Variants in SPAG1 observed in about 807,000 individuals in gnomAD.
SPAG1 encodes the protein sperm-associated antigen 1.
Under a neutral mutation model 100.5 loss-of-function variants are expected in SPAG1, and 69 were observed. The observed-to-expected ratio is 0.69, with a 90% CI of 0.57 to 0.84. The LOEUF is 0.84. Among genes scored for constraint, SPAG1 ranks in the 40% least tolerant of loss-of-function variants. The probability of loss-of-function intolerance (pLI) is 0.00; values close to 1 mark genes in which losing one functional copy is unlikely to be tolerated. For missense variants in SPAG1, 955 were observed against 1,133.1 expected (o/e 0.84, Z 2.26); for synonymous variants, 336 against 411.6 (o/e 0.82, Z 2.22).
At chr8:100,190,520 T>TG (rs11368420) in intron 8 of SPAG1, among the ~76,000 whole-genome samples, 25,448 of 152,068 alleles carry the variant, frequency 0.17, 2,433 homozygotes, top group South Asian at 0.23. Flanking sequence ...GCTTAATTTC[T>TG]GACCTAACTG....
chr8:100,163,358 T>A (rs148119672), intron 2 of SPAG1, among the ~76,000 whole-genome samples: 107 of 152,236 alleles, frequency 7.0e-4, no homozygotes, highest in Middle Eastern at 3.4e-3. Flanking sequence ...CTGTCCTGAG[T>A]ACCACCAACC....
chr8:100,241,175 G>A lies in SPAG1; in HGVS notation c.*153G>A. ...TTACTTATTTTCCTACATAGAACAT[G>A]TATATTCTACAATCTGCTTTTTATT... On this transcript the variant is annotated 3_prime_UTR_variant, in exon 19 of 19. Transcript: ENST00000388798. The surrounding 1 kb of genome is among the most constrained non-coding windows in gnomAD (Gnocchi z 5.1). 1.8e-6 allele frequency: 1 copy of A among 551,710 alleles called. No individual in the cohort carries two copies. The highest frequency in any genetic ancestry group is 3.0e-6 in the Non-Finnish European group (1 of 334,436). The allele number at this position is 551,710 out of a possible 1,614,324, so 34.2% of individuals were successfully genotyped here. A position where few individuals can be genotyped will look rare whatever the true frequency, so the allele number is the denominator to read the frequency against.
chr8:100,195,417 A>G (rs1283558821), intron 10 of SPAG1, among the ~76,000 whole-genome samples: 2 of 152,202 alleles, frequency 1.3e-5, no homozygotes, highest in Non-Finnish European at 2.9e-5. Flanking sequence ...AATGCAATGT[A>G]TACACTTCAG....
At chr8:100,173,033 CTTTTTTTTTTTTT>C (rs149257955) in intron 3 of SPAG1, among the ~76,000 whole-genome samples, 5 of 63,660 alleles carry the variant, frequency 7.9e-5, no homozygotes, top group Admixed American at 2.2e-4. Context: ...TTGACCACTT[CTTTTTTTTTTTTT>C]TTTTTTTTTT....
intron 2 of SPAG1, 66 bp downstream of exon 2, chr8:100,162,486 A>AG: frequency 9.6e-6 from 12 of 1,244,492 alleles, no homozygotes; most frequent in Non-Finnish European, 1.2e-5. Context: ...GTTACCTTCT[A>AG]AAGGTAAAAG....
intron 3 of SPAG1, among the ~76,000 whole-genome samples, chr8:100,168,004 G>C (rs2132206486): frequency 6.6e-6 from 1 of 152,306 alleles, no homozygotes; most frequent in Admixed American, 6.5e-5. Flanking sequence ...GCTCCTCTGA[G>C]TTGCTAAGTA....
At chr8:100,228,176 A>T (rs1345834431) in intron 14 of SPAG1, among the ~76,000 whole-genome samples, 1 of 152,182 alleles carries the variant, frequency 6.6e-6, no homozygotes, top group Non-Finnish European at 1.5e-5. Context: ...ATGGGCAGAA[A>T]TATTCTGTGA....
intron 3 of SPAG1, among the ~76,000 whole-genome samples, chr8:100,175,818 GTGTTC>G (rs1397471317): frequency 6.6e-6 from 1 of 152,170 alleles, no homozygotes; most frequent in Admixed American, 6.5e-5. Context: ...TACAGAAAAA[GTGTTC>G]TTGAACCAAT....
At chr8:100,209,402 T>A (rs939025671) in intron 10 of SPAG1, among the ~76,000 whole-genome samples, 5 of 148,014 alleles carry the variant, frequency 3.4e-5, no homozygotes, top group South Asian at 2.1e-4. Flanking sequence ...CTGACTAATA[T>A]ATCATTAGAG....
chr8:100,182,654 C>G (rs1232361570), intron 4 of SPAG1, among the ~76,000 whole-genome samples: 1 of 152,076 alleles, frequency 6.6e-6, no homozygotes, highest in African/African-American at 2.4e-5. Flanking sequence ...TGTAATTATT[C>G]CAAATCAGAT....
intron 12 of SPAG1, among the ~76,000 whole-genome samples, chr8:100,214,538 C>G (rs999815276): frequency 5.9e-5 from 9 of 152,184 alleles, no homozygotes; most frequent in Non-Finnish European, 1.2e-4. Flanking sequence ...CACTGACACT[C>G]GGTCACACCT....
At position 100,169,465 on chromosome 8, in the gene SPAG1, C is replaced by G. The variant is rs376060810; in HGVS notation, c.300+3492C>G. On this transcript the variant is annotated intron_variant, in intron 3 of 18. Transcript: ENST00000388798. ...TTTTTAAAAAATCAACTGGGCTGAG[C>G]ACAGTGGCTCACGCCTATAATCCAG... 3.3e-5 allele frequency among the ~76,000 whole-genome samples: 5 copies of G among 152,212 alleles called. No individual in the cohort carries two copies. The East Asian group carries it at 9.6e-4, about 29-fold the overall frequency.
Position 100,213,134 on chromosome 8 carries a change from G to A in SPAG1, c.1141G>A (p.Val381Ile). 6.7e-7 allele frequency: 1 copy of A among 1,485,596 alleles called. No homozygotes were observed. Among genetic ancestry groups the A allele is most frequent in the Non-Finnish European group, 8.9e-7 (1 of 1,125,074 alleles). The allele number at this position is 1,485,596 out of a possible 1,614,324, so 92.0% of individuals were successfully genotyped here. Residue 381 changes from valine to isoleucine, a missense_variant, in exon 11 of 19, where the codon GTC (valine) becomes ATC (isoleucine). Coordinates refer to ENST00000388798, the MANE Select transcript of SPAG1 (RefSeq NM_003114.5). ...AGCCGCGCGCGCCGCCCAGCCGTGC[G>A]TCATGGGCAACATCCAGAAGAAGCT... ...AGAARAAQPC[V>I]MGNIQKKLTG...
intron 14 of SPAG1, among the ~76,000 whole-genome samples, chr8:100,229,740 T>C (rs141280822): frequency 6.6e-6 from 1 of 152,340 alleles, no homozygotes; most frequent in East Asian, 1.9e-4. Context: ...GGATAGTGTG[T>C]AATTCTGGTA....
intron 3 of SPAG1, among the ~76,000 whole-genome samples, chr8:100,170,960 G>A (rs1815802546): frequency 6.6e-6 from 1 of 152,040 alleles, no homozygotes; most frequent in Non-Finnish European, 1.5e-5. Flanking sequence ...GACTTTCACT[G>A]TGAAATATAA....
chr8:100,206,125 C>T (rs563111995), intron 10 of SPAG1, among the ~76,000 whole-genome samples: 31 of 150,728 alleles, frequency 2.1e-4, no homozygotes, highest in Non-Finnish European at 4.3e-4. Flanking sequence ...TGCAGAAGAC[C>T]GATGGATCTT....
chr8:100,226,372 G>A (rs1818513975), intron 14 of SPAG1, among the ~76,000 whole-genome samples: 2 of 152,100 alleles, frequency 1.3e-5, no homozygotes, highest in Admixed American at 1.3e-4. Context: ...ATATAAAATA[G>A]TATATTCTGA....
chr8:100,232,146 C>G (rs927144260), intron 15 of SPAG1, among the ~76,000 whole-genome samples: 14 of 152,198 alleles, frequency 9.2e-5, no homozygotes, highest in African/African-American at 2.9e-4. Flanking sequence ...CAAAAGATGT[C>G]ACTAAATCCA....
chr8:100,160,643 A>AC (rs1815266103), intron 1 of SPAG1, among the ~76,000 whole-genome samples: 1 of 150,818 alleles, frequency 6.6e-6, no homozygotes, highest in African/African-American at 2.4e-5. Context: ...AAAAAAAAAA[A>AC]GGAGAGGTAT....
Sources: gnomAD v4.1 joint callset for allele counts (sites outside exome capture counted in the v4.1 genomes callset) on GRCh38, gnomAD v4.1.1 for gene constraint, Gnocchi (gnomAD v3.1) non-coding constraint, MANE v1.5 for transcripts, NCBI Gene and HGNC (gene_info 2026-07-23, HGNC 2026-07-21) for gene names.